The following RNGTT variants were observed in gnomAD, a reference collection of about 807,000 sequenced individuals.
RNGTT encodes RNA guanylyltransferase and 5'-phosphatase, also known as mRNA-capping enzyme.
Under a neutral mutation model 79.3 loss-of-function variants are expected in RNGTT, and 33 were observed. That is an observed-to-expected ratio of 0.42 (90% CI 0.32 to 0.56). The LOEUF (loss-of-function observed/expected upper bound fraction) is 0.56, where lower values mean the gene tolerates loss of function less well. Ranked by LOEUF, RNGTT falls within the 20% of genes least tolerant of loss-of-function variation. The probability of loss-of-function intolerance (pLI) is 0.17; values close to 1 mark genes in which losing one functional copy is unlikely to be tolerated. For synonymous variants in RNGTT, 222 were observed against 235.9 expected (o/e 0.94, Z 0.54); for missense variants, 497 against 739.1 (o/e 0.67, Z 3.80).
intron 4 of RNGTT, among the ~76,000 whole-genome samples, chr6:88,919,799 C>T (rs1253839805): frequency 6.9e-6 from 1 of 144,086 alleles, no homozygotes; most frequent in Non-Finnish European, 1.5e-5. Context: ...TCACTACAAC[C>T]TCTACCTCAG....
intron 14 of RNGTT, among the ~76,000 whole-genome samples, chr6:88,627,785 T>C (rs1242182716): frequency 1.3e-5 from 2 of 152,036 alleles, no homozygotes; most frequent in African/African-American, 2.4e-5. Context: ...AACACAGAAC[T>C]CTTTAGTTTA....
At chr6:88,891,943 G>T in intron 6 of RNGTT, 28 bp from the exon 7 acceptor site, 3 of 1,404,530 alleles carry the variant, frequency 2.1e-6, no homozygotes, top group South Asian at 1.4e-5. Context: ...GAAAAATAAG[G>T]GAAAGAAAAA....
rs569419565 is a variant in RNGTT, at chr6:88,711,662, C to G, written c.1440-33243G>C. On this transcript the variant is annotated intron_variant, in intron 13 of 15. Transcript: ENST00000369485. ...TTCACGCCCACTTGCAGAGAGTCAGCCTTTACCGCTAAGGAGTTTAAGAAT... is the reference window on the plus strand; with the variant it reads ...TTCACGCCCACTTGCAGAGAGTCAGGCTTTACCGCTAAGGAGTTTAAGAAT... Among the ~76,000 whole-genome samples the G allele has an allele frequency of 2.3e-3, 349 of 152,300 alleles. 1 individual carries two copies. Among genetic ancestry groups the G allele is most frequent in the African/African-American group, 7.9e-3 (327 of 41,560 alleles).
At chr6:88,879,905 T>C (rs1480217146) in intron 8 of RNGTT, among the ~76,000 whole-genome samples, 2 of 152,146 alleles carry the variant, frequency 1.3e-5, no homozygotes, top group Admixed American at 6.5e-5. Flanking sequence ...TAAAATTTTA[T>C]TGAAATACAC....
chr6:88,768,504 T>C (rs1778541897), intron 13 of RNGTT, among the ~76,000 whole-genome samples: 1 of 152,226 alleles, frequency 6.6e-6, no homozygotes, highest in Non-Finnish European at 1.5e-5. Context: ...AATGCACAGT[T>C]TCCTTTCTTT....
At chr6:88,698,702 G>C in intron 13 of RNGTT, among the ~76,000 whole-genome samples, 1 of 151,696 alleles carries the variant, frequency 6.6e-6, no homozygotes, top group South Asian at 2.1e-4. Context: ...TTAACTAGAA[G>C]GCTATATTGT....
At chr6:88,930,127 C>T (rs939342225) in intron 2 of RNGTT, among the ~76,000 whole-genome samples, 4 of 137,440 alleles carry the variant, frequency 2.9e-5, no homozygotes, top group Non-Finnish European at 4.6e-5. Context: ...CATATATACA[C>T]GTATACATAC....
chr6:88,720,730 T>C (rs1343688746), intron 13 of RNGTT, among the ~76,000 whole-genome samples: 2 of 152,126 alleles, frequency 1.3e-5, no homozygotes, highest in African/African-American at 4.8e-5. Context: ...AGGAATCTGG[T>C]CTACCACTTA....
At position 88,895,229 on chromosome 6, in the gene RNGTT, C is replaced by CTGTGTGTGTG. The variant is rs5878081; in HGVS notation, c.685-3324_685-3315dup. Among the ~76,000 whole-genome samples, 389 of 145,188 alleles carry CTGTGTGTGTG rather than the reference C, an allele frequency of 2.7e-3. 2 individuals are homozygous for CTGTGTGTGTG. Among genetic ancestry groups the CTGTGTGTGTG allele is most frequent in the African/African-American group, 3.8e-3 (148 of 39,400 alleles). On this transcript the variant is annotated intron_variant, in intron 6 of 15. Transcript: ENST00000369485. ...GAGGCAATTTATGTGAGAGAGAGCT[C>CTGTGTGTGTG]TGTGTGTGTGTGTGTGTGTGTGTGT... is the stretch of plus-strand genomic sequence containing the variant.
chr6:88,687,717 A>G (rs1775329600), intron 13 of RNGTT, among the ~76,000 whole-genome samples: 1 of 132,536 alleles, frequency 7.5e-6, no homozygotes, highest in Non-Finnish European at 1.5e-5. Flanking sequence ...TGGTAAAGAA[A>G]AAGTACAAAA....
At position 88,913,233 on chromosome 6, in the gene RNGTT, A is replaced by C. The variant is rs544011174; in HGVS notation, c.368-6793T>G. ...AAAAAACAAAAAAAAAAAACAAAAA[A>C]AAAAAAGCCCTAGACCAGATGGATT... On this transcript the variant is annotated intron_variant, in intron 4 of 15. Coordinates refer to ENST00000369485, the MANE Select transcript of RNGTT (RefSeq NM_003800.5). Among the ~76,000 whole-genome samples, 12 of 149,624 alleles carry C rather than the reference A, an allele frequency of 8.0e-5. No homozygotes were observed. The South Asian group carries it at 2.3e-3, about 29-fold the overall frequency.
chr6:88,912,559 CA>C (rs1783860353), intron 4 of RNGTT, among the ~76,000 whole-genome samples: 1 of 151,700 alleles, frequency 6.6e-6, no homozygotes, highest in Non-Finnish European at 1.5e-5. Flanking sequence ...AGTTGAGACC[CA>C]AAAAGCCATG....
chr6:88,636,919 T>G (rs188963753), intron 14 of RNGTT, among the ~76,000 whole-genome samples: 2 of 152,098 alleles, frequency 1.3e-5, no homozygotes, highest in African/African-American at 4.8e-5. Context: ...ATAAAGAACT[T>G]TGAAAAAGGT....
At chr6:88,656,093 T>C (rs1212485933) in intron 14 of RNGTT, among the ~76,000 whole-genome samples, 1 of 152,168 alleles carries the variant, frequency 6.6e-6, no homozygotes, top group African/African-American at 2.4e-5. Flanking sequence ...TATGAAAAGA[T>C]ATATAGAAAT....
intron 13 of RNGTT, among the ~76,000 whole-genome samples, chr6:88,730,861 T>A (rs1192895771): frequency 2.0e-5 from 3 of 152,174 alleles, no homozygotes; most frequent in Non-Finnish European, 4.4e-5. Context: ...GCTTATCTGA[T>A]CTGAGGGAAG....
chr6:88,769,532 T>A (rs1282890237), intron 13 of RNGTT, among the ~76,000 whole-genome samples: 1 of 152,094 alleles, frequency 6.6e-6, no homozygotes, highest in Non-Finnish European at 1.5e-5. Flanking sequence ...ATGAAAATGA[T>A]TTTAAAACAA....
chr6:88,663,965 C>A (rs746519343), intron 14 of RNGTT, among the ~76,000 whole-genome samples: 2 of 152,164 alleles, frequency 1.3e-5, no homozygotes, highest in African/African-American at 4.8e-5. Context: ...CTCATAACCC[C>A]ACTTGGGCTG....
intron 1 of RNGTT, among the ~76,000 whole-genome samples, chr6:88,956,143 T>C (rs1026468836): frequency 3.3e-5 from 5 of 149,602 alleles, no homozygotes; most frequent in Non-Finnish European, 7.4e-5. Context: ...TTCAAGTAAG[T>C]TCAACTAGAA....
intron 14 of RNGTT, among the ~76,000 whole-genome samples, chr6:88,635,531 T>C (rs1021256353): frequency 1.3e-5 from 2 of 152,066 alleles, no homozygotes; most frequent in African/African-American, 2.4e-5. Context: ...CTGGCATTCT[T>C]GATTATTGTC....
Sources: gnomAD v4.1 joint callset for allele counts (sites outside exome capture counted in the v4.1 genomes callset) on GRCh38, gnomAD v4.1.1 for gene constraint, MANE v1.5 for transcripts, NCBI Gene and HGNC (gene_info 2026-07-23, HGNC 2026-07-21) for gene names.